Variants in ZNF567 observed in about 807,000 individuals in gnomAD.
ZNF567 encodes the protein zinc finger protein 567.
In ZNF567, 36 loss-of-function variants were observed where a neutral mutation model predicts 53.9. The observed-to-expected ratio is 0.67, with a 90% CI of 0.51 to 0.88. ZNF567 has a LOEUF of 0.88. ZNF567 is among the 40% of genes least tolerant of loss of function. The pLI is 0.00. For synonymous variants in ZNF567, 224 were observed against 260.4 expected (o/e 0.86, Z 1.35); for missense variants, 619 against 764.7 (o/e 0.81, Z 2.25).
chr19:36,693,074 G>A (rs2038703295), intron 2 of ZNF567, among the ~76,000 whole-genome samples: 1 of 152,010 alleles, frequency 6.6e-6, no homozygotes, highest in African/African-American at 2.4e-5. Context: ...GATCGCTTGA[G>A]CCCAGGAATT....
chr19:36,672,807 G>C, the ZNF567 span, among the ~76,000 whole-genome samples: 5 of 152,178 alleles, frequency 3.3e-5, no homozygotes, highest in East Asian at 9.6e-4. Flanking sequence ...CTTAACGAAT[G>C]AAGGTTTGGG....
upstream of ZNF567, among the ~76,000 whole-genome samples, chr19:36,682,705 T>G (rs2038205683): frequency 6.6e-6 from 1 of 151,636 alleles, no homozygotes; most frequent in Non-Finnish European, 1.5e-5. Flanking sequence ...CCTCCCAGGT[T>G]CACGCCATTC....
intron 3 of ZNF567, among the ~76,000 whole-genome samples, chr19:36,708,285 C>A (rs2039603530): frequency 6.6e-6 from 1 of 152,026 alleles, no homozygotes; most frequent in Non-Finnish European, 1.5e-5. Flanking sequence ...ATTTTGCATG[C>A]TTGGAAATTT....
chr19:36,674,940 G>A, the ZNF567 span, among the ~76,000 whole-genome samples: 1 of 152,066 alleles, frequency 6.6e-6, no homozygotes, highest in Non-Finnish European at 1.5e-5. Flanking sequence ...TTTTAGTAGA[G>A]ATGGGTTTCA....
At chr19:36,715,449 C>G (rs1251227871) in intron 5 of ZNF567, among the ~76,000 whole-genome samples, 5 of 147,348 alleles carry the variant, frequency 3.4e-5, no homozygotes, top group African/African-American at 1.0e-4. Flanking sequence ...GCATGAGCCA[C>G]CGTGCCTGGC....
chr19:36,723,003 G>T (rs2040317306), downstream of ZNF567, among the ~76,000 whole-genome samples: 1 of 151,808 alleles, frequency 6.6e-6, no homozygotes, highest in Non-Finnish European at 1.5e-5. Context: ...TTATTAATAG[G>T]TTTAATAAAC....
At chr19:36,679,078 A>C in the ZNF567 span, among the ~76,000 whole-genome samples, 1 of 152,164 alleles carries the variant, frequency 6.6e-6, no homozygotes, top group African/African-American at 2.4e-5. Context: ...TGAGGTCAGG[A>C]GATCGAGACC....
intron 4 of ZNF567, 99 bp downstream of exon 4, chr19:36,712,611 TCC>T (rs2039847283): frequency 6.5e-7 from 1 of 1,530,756 alleles, no homozygotes; most frequent in African/African-American, 1.4e-5. Flanking sequence ...GGTGATGAAT[TCC>T]TTTTCGTTAG....
chr19:36,682,613 A>AT (rs997139672), upstream of ZNF567, among the ~76,000 whole-genome samples: 37 of 130,698 alleles, frequency 2.8e-4, no homozygotes, highest in Non-Finnish European at 4.1e-4. Context: ...TATTATTATT[A>AT]TTTTTTTTTT....
At chr19:36,687,977 C>G (rs1219013134) in intron 1 of ZNF567, among the ~76,000 whole-genome samples, 1 of 151,994 alleles carries the variant, frequency 6.6e-6, no homozygotes, top group Non-Finnish European at 1.5e-5. Context: ...GTGTGTGTGG[C>G]TTTTCGTACC....
chr19:36,723,047 C>G (rs1429366422), downstream of ZNF567: 13 of 597,684 alleles, frequency 2.2e-5, no homozygotes, highest in Non-Finnish European at 3.0e-6. Context: ...AATTATAGGA[C>G]TTATAATCAG....
the ZNF567 span, among the ~76,000 whole-genome samples, chr19:36,675,326 G>GC: frequency 5.9e-5 from 9 of 151,930 alleles, no homozygotes; most frequent in African/African-American, 2.2e-4. Context: ...GATTGCTTGA[G>GC]CCCAAGGAGT....
At chr19:36,707,345 G>A (rs1414532417) in intron 3 of ZNF567, among the ~76,000 whole-genome samples, 1 of 152,172 alleles carries the variant, frequency 6.6e-6, no homozygotes, top group Non-Finnish European at 1.5e-5. Context: ...TTGGAACTCA[G>A]CCAACGGTGA....
chr19:36,719,995 A>C lies in ZNF567; in HGVS notation c.1271A>C (p.Asn424Thr). 5 of 1,613,952 alleles carry C rather than the reference A, an allele frequency of 3.1e-6. No homozygotes were observed. Among genetic ancestry groups the C allele is most frequent in the Non-Finnish European group, 4.2e-6 (5 of 1,179,996 alleles). The change falls in exon 6 of 6, where the codon AAT becomes ACT. Residue 424 changes from asparagine to threonine, a missense_variant. Transcript: ENST00000682579. ...ACAGGGGAAAAGCCCTATATTTGTAATGAATGTGGGAAATCCTTCTCCCAG... is the reference window on the plus strand; with the variant it reads ...ACAGGGGAAAAGCCCTATATTTGTACTGAATGTGGGAAATCCTTCTCCCAG... ...THTGEKPYIC[N>T]ECGKSFSQKT...
chr19:36,682,709 G>A (rs945571328), upstream of ZNF567, among the ~76,000 whole-genome samples: 4 of 151,006 alleles, frequency 2.6e-5, no homozygotes, highest in African/African-American at 4.9e-5. Flanking sequence ...CCAGGTTCAC[G>A]CCATTCTCCT....
the ZNF567 span, among the ~76,000 whole-genome samples, chr19:36,678,698 G>T: frequency 6.6e-6 from 1 of 151,186 alleles, no homozygotes; most frequent in Non-Finnish European, 1.5e-5. Flanking sequence ...CAAAAAATTC[G>T]CCAGGCGTAG....
At chr19:36,679,166 G>A in the ZNF567 span, among the ~76,000 whole-genome samples, 4 of 152,088 alleles carry the variant, frequency 2.6e-5, no homozygotes, top group East Asian at 5.8e-4. Context: ...CGCACCTGTC[G>A]TCCCAGATAC....
chr19:36,716,969 G>T (rs1015656431), intron 5 of ZNF567, among the ~76,000 whole-genome samples: 15 of 152,270 alleles, frequency 9.9e-5, no homozygotes, highest in African/African-American at 3.4e-4. Flanking sequence ...GGGAGTACAG[G>T]TGCATGCCAC....
At chr19:36,667,571 T>C in the ZNF567 span, among the ~76,000 whole-genome samples, 196 of 146,672 alleles carry the variant, frequency 1.3e-3, 1 homozygote, top group East Asian at 3.1e-3. Flanking sequence ...AGAGTCTTCT[T>C]GCCCTGTTGC....
Sources: allele counts gnomAD v4.1 joint callset (sites outside exome capture counted in the v4.1 genomes callset), GRCh38; gene constraint gnomAD v4.1.1; transcripts MANE v1.5; gene names NCBI Gene and HGNC (gene_info 2026-07-23, HGNC 2026-07-21).